Variants in SORCS3 observed in about 807,000 individuals in gnomAD.
SORCS3 encodes the protein VPS10 domain-containing receptor SorCS3.
SORCS3 carries 57 observed loss-of-function variants against 146.3 expected under a neutral mutation model. The observed-to-expected ratio is 0.39, with a 90% CI of 0.31 to 0.49. SORCS3 has a LOEUF of 0.49. Among genes scored for constraint, SORCS3 ranks in the 20% least tolerant of loss-of-function variants. The probability of loss-of-function intolerance (pLI) is 0.92; values close to 1 mark genes in which losing one functional copy is unlikely to be tolerated. For missense variants in SORCS3, 1,341 were observed against 1,575.5 expected, an observed-to-expected ratio of 0.85 and a Z score of 2.52; for synonymous variants, 653 against 618.5, an observed-to-expected ratio of 1.06 and a Z score of -0.83.
chr10:104,945,708 A>T (rs2019363673), intron 3 of SORCS3, among the ~76,000 whole-genome samples: 1 of 151,688 alleles, frequency 6.6e-6, no homozygotes, highest in African/African-American at 2.4e-5. Context: ...CTATTTTGTT[A>T]TGTTAAGGAG....
chr10:105,150,429 C>G (rs1267467299), intron 9 of SORCS3, among the ~76,000 whole-genome samples: 6 of 152,168 alleles, frequency 3.9e-5, no homozygotes, highest in Middle Eastern at 3.4e-3. Context: ...AAAAGAGGGG[C>G]AGGGGTATGG....
intron 13 of SORCS3, among the ~76,000 whole-genome samples, chr10:105,168,448 G>A (rs990010315): frequency 1.1e-4 from 16 of 152,230 alleles, no homozygotes; most frequent in African/African-American, 1.9e-4. Context: ...AGAATTTCAC[G>A]CTTCAGATTC....
At chr10:105,200,954 A>C (rs948752403) in intron 15 of SORCS3, among the ~76,000 whole-genome samples, 166 bp from the exon 16 acceptor site, 6 of 152,234 alleles carry the variant, frequency 3.9e-5, no homozygotes, top group African/African-American at 1.4e-4. Context: ...TGGTAGTGAA[A>C]GATTAGCACT....
At chr10:104,890,346 A>G (rs1238551481) in intron 2 of SORCS3, among the ~76,000 whole-genome samples, 4 of 150,772 alleles carry the variant, frequency 2.7e-5, no homozygotes, top group Non-Finnish European at 5.9e-5. Context: ...TTTTTTCCTC[A>G]GTTTTTTTTT....
At chr10:104,905,799 G>A (rs531378149) in intron 2 of SORCS3, among the ~76,000 whole-genome samples, 4 of 152,316 alleles carry the variant, frequency 2.6e-5, no homozygotes, top group East Asian at 1.9e-4. Flanking sequence ...AGGCTCCGTC[G>A]GGGAGGATGG....
chr10:105,190,164 G>A (rs2056507203), intron 14 of SORCS3, among the ~76,000 whole-genome samples: 1 of 152,186 alleles, frequency 6.6e-6, no homozygotes, highest in Non-Finnish European at 1.5e-5. Context: ...AAGAGTAACA[G>A]CCTTGCTGAA....
intron 14 of SORCS3, among the ~76,000 whole-genome samples, chr10:105,178,928 T>C (rs1341359822): frequency 6.6e-6 from 1 of 152,200 alleles, no homozygotes; most frequent in Non-Finnish European, 1.5e-5. Context: ...ACAGCGTGCA[T>C]CTGTGCTGGT....
At chr10:104,915,643 G>A (rs56854616) in intron 2 of SORCS3, among the ~76,000 whole-genome samples, 190 bp from the exon 3 acceptor site, 9,834 of 152,184 alleles carry the variant, frequency 0.065, 982 homozygotes, top group African/African-American at 0.22. Flanking sequence ...AGGGGAGCAC[G>A]CTTAGGTAGT....
intron 1 of SORCS3, among the ~76,000 whole-genome samples, chr10:104,684,779 G>GT (rs764055039): frequency 2.5e-5 from 2 of 81,574 alleles, no homozygotes; most frequent in African/African-American, 4.7e-5. Context: ...AGTCCTCAGT[G>GT]TTTTTTTTTT....
chr10:104,934,950 A>T (rs528842564), intron 3 of SORCS3, among the ~76,000 whole-genome samples: 1 of 152,298 alleles, frequency 6.6e-6, no homozygotes, highest in South Asian at 2.1e-4. Flanking sequence ...ACACTGAGAG[A>T]GATTCTGAGC....
chr10:105,242,342 ATATT>A (rs2056829606), intron 20 of SORCS3, among the ~76,000 whole-genome samples: 1 of 127,914 alleles, frequency 7.8e-6, no homozygotes, highest in Non-Finnish European at 1.6e-5. Flanking sequence ...ATTTATATAT[ATATT>A]TATACATATA....
chr10:104,891,913 T>C (rs1478949883), intron 2 of SORCS3, among the ~76,000 whole-genome samples: 1 of 152,202 alleles, frequency 6.6e-6, no homozygotes, highest in Non-Finnish European at 1.5e-5. Flanking sequence ...TCCTGGATCT[T>C]CAAAGACAAG....
chr10:105,104,726 C>T (rs1351600451), intron 6 of SORCS3, among the ~76,000 whole-genome samples: 1 of 152,200 alleles, frequency 6.6e-6, no homozygotes, highest in Non-Finnish European at 1.5e-5. Context: ...ATCCTTTAAA[C>T]ATTGTTCTGT....
intron 1 of SORCS3, among the ~76,000 whole-genome samples, chr10:104,763,306 A>G (rs888712905): frequency 6.6e-6 from 1 of 152,218 alleles, no homozygotes; most frequent in Non-Finnish European, 1.5e-5. Flanking sequence ...GCTGTGCCCA[A>G]TCAACACTTG....
intron 1 of SORCS3, among the ~76,000 whole-genome samples, chr10:104,757,896 G>T (rs1430154814): frequency 2.8e-5 from 4 of 143,832 alleles, no homozygotes; most frequent in Admixed American, 7.0e-5. Context: ...GCTGATAGTG[G>T]CTGTCTAAAG....
chr10:104,715,353 T>C (rs893872533), intron 1 of SORCS3, among the ~76,000 whole-genome samples: 1 of 152,208 alleles, frequency 6.6e-6, no homozygotes, highest in Non-Finnish European at 1.5e-5. Flanking sequence ...CTCCTGTCTT[T>C]GGATGTTGGA....
chr10:105,194,272 C>G (rs1472199818), intron 14 of SORCS3, among the ~76,000 whole-genome samples: 1 of 152,042 alleles, frequency 6.6e-6, no homozygotes, highest in Non-Finnish European at 1.5e-5. Context: ...GGATTTTGAG[C>G]CAAGCCTATT....
chr10:105,123,654 GATACTAC>G, intron 7 of SORCS3, among the ~76,000 whole-genome samples: 1 of 152,272 alleles, frequency 6.6e-6, no homozygotes, highest in South Asian at 2.1e-4. Flanking sequence ...GAGAGGGAGA[GATACTAC>G]ATAAGCAAAC....
chr10:104,939,170 G>A (rs757649721), intron 3 of SORCS3, among the ~76,000 whole-genome samples: 5 of 152,222 alleles, frequency 3.3e-5, no homozygotes, highest in South Asian at 2.1e-4. Flanking sequence ...TGGAGGAGAC[G>A]AGGAAGGAGG....
Sources: gnomAD v4.1 joint callset for allele counts (sites outside exome capture counted in the v4.1 genomes callset) on GRCh38, gnomAD v4.1.1 for gene constraint, MANE v1.5 for transcripts, NCBI Gene and HGNC (gene_info 2026-07-23, HGNC 2026-07-21) for gene names.